Variants in TBC1D19 observed in about 807,000 individuals in gnomAD.
TBC1D19 encodes the protein TBC1 domain family member 19.
Under a neutral mutation model 89.0 loss-of-function variants are expected in TBC1D19, and 60 were observed. The ratio of observed to expected loss-of-function variants is 0.67; its 90% CI spans 0.55 to 0.84. The LOEUF is 0.84. Among genes scored for constraint, TBC1D19 ranks in the 40% least tolerant of loss-of-function variants. TBC1D19 has a pLI of 0.00. For missense variants in TBC1D19, 500 were observed against 610.8 expected (o/e 0.82, Z 1.91); for synonymous variants, 189 against 199.7 (o/e 0.95, Z 0.45).
the TBC1D19 span, among the ~76,000 whole-genome samples, chr4:26,795,054 G>A: frequency 6.6e-6 from 1 of 152,168 alleles, no homozygotes; most frequent in African/African-American, 2.4e-5. Context: ...CCATGCCTCT[G>A]TTCAGAAACT....
At chr4:26,842,345 T>TTC in the TBC1D19 span, among the ~76,000 whole-genome samples, 1 of 80,122 alleles carries the variant, frequency 1.2e-5, no homozygotes, top group African/African-American at 5.0e-5. Flanking sequence ...CTTTTCTTTT[T>TTC]TTTTTTTTTT....
chr4:26,593,075 G>C (rs4568227), intron 1 of TBC1D19, among the ~76,000 whole-genome samples: 60,987 of 151,822 alleles, frequency 0.4, 12,764 homozygotes, highest in Non-Finnish European at 0.47. Flanking sequence ...ATCACACTAC[G>C]TGACTTCAAA....
At chr4:26,599,875 G>A (rs1303651844) in intron 1 of TBC1D19, among the ~76,000 whole-genome samples, 6 of 149,618 alleles carry the variant, frequency 4.0e-5, no homozygotes, top group African/African-American at 1.5e-4. Context: ...TTGAACCCAG[G>A]AGGCAGAGGT....
At chr4:26,640,248 T>A in intron 7 of TBC1D19, 61 bp downstream of exon 7, 1 of 1,349,294 alleles carries the variant, frequency 7.4e-7, no homozygotes, top group Non-Finnish European at 1.1e-6. Flanking sequence ...TAAATGATGA[T>A]GTAAAAATAT....
At chr4:26,725,210 T>C (rs1165126263) in intron 15 of TBC1D19, among the ~76,000 whole-genome samples, 1 of 152,180 alleles carries the variant, frequency 6.6e-6, no homozygotes, top group African/African-American at 2.4e-5. Context: ...CCATATGCTC[T>C]CTTACTAAAA....
intron 13 of TBC1D19, among the ~76,000 whole-genome samples, chr4:26,704,859 A>T (rs1386993849): frequency 1.3e-5 from 2 of 152,150 alleles, no homozygotes; most frequent in East Asian, 3.8e-4. Context: ...TTCCACAGTG[A>T]CTATACCATT....
the TBC1D19 span, among the ~76,000 whole-genome samples, chr4:26,818,385 G>A: frequency 2.6e-5 from 4 of 151,934 alleles, no homozygotes; most frequent in Admixed American, 1.3e-4. Context: ...GCACCACCAT[G>A]CCTGGCTAAT....
the TBC1D19 span, among the ~76,000 whole-genome samples, chr4:26,804,940 T>C: frequency 6.6e-6 from 1 of 152,180 alleles, no homozygotes; most frequent in Non-Finnish European, 1.5e-5. Flanking sequence ...AACATGGCTT[T>C]TCTGAAGTCA....
the TBC1D19 span, among the ~76,000 whole-genome samples, chr4:26,788,146 C>G: frequency 4.6e-5 from 7 of 152,032 alleles, no homozygotes; most frequent in Non-Finnish European, 8.8e-5. Context: ...CGGCATGGTT[C>G]CAGGTGACTA....
At chr4:26,657,001 T>TTCTCCTTCTCCTTCTCCTTCTCCC (rs1744884083) in intron 7 of TBC1D19, among the ~76,000 whole-genome samples, 1 of 122,582 alleles carries the variant, frequency 8.2e-6, no homozygotes, top group Non-Finnish European at 1.7e-5. Flanking sequence ...CTCCTTCTCC[T>TTCTCCTTCTCCTTCTCCTTCTCCC]TCTCCTTCTC....
chr4:26,720,613 T>C (rs1323890777), intron 15 of TBC1D19, among the ~76,000 whole-genome samples: 1 of 152,132 alleles, frequency 6.6e-6, no homozygotes, highest in Non-Finnish European at 1.5e-5. Flanking sequence ...TCATTAGACA[T>C]TAAATATTCT....
the TBC1D19 span, among the ~76,000 whole-genome samples, chr4:26,785,398 G>A: frequency 2.2e-4 from 33 of 152,286 alleles, no homozygotes; most frequent in East Asian, 6.4e-3. Context: ...AGAGCACAGC[G>A]TTGTTTTGGC....
chr4:26,820,716 A>G, the TBC1D19 span, among the ~76,000 whole-genome samples: 1 of 152,212 alleles, frequency 6.6e-6, no homozygotes, highest in Non-Finnish European at 1.5e-5. Context: ...GCTGGATCAT[A>G]TGCTAATTCT....
the TBC1D19 span, among the ~76,000 whole-genome samples, chr4:26,800,447 A>G: frequency 3.2e-4 from 48 of 152,302 alleles, no homozygotes; most frequent in African/African-American, 1.2e-3. Context: ...GCTATTGTGA[A>G]TAGTGCCGCA....
At chr4:26,771,852 T>A in the TBC1D19 span, among the ~76,000 whole-genome samples, 1 of 152,088 alleles carries the variant, frequency 6.6e-6, no homozygotes, top group Non-Finnish European at 1.5e-5. Context: ...GTGAAAAAAT[T>A]AAACCCCAAA....
the TBC1D19 span, among the ~76,000 whole-genome samples, chr4:26,803,895 G>T: frequency 7.5e-6 from 1 of 134,214 alleles, no homozygotes; most frequent in African/African-American, 2.7e-5. Flanking sequence ...GTATATCTTG[G>T]TAAACTGCAG....
chr4:26,638,262 T>C (rs761323809), intron 5 of TBC1D19, among the ~76,000 whole-genome samples: 1 of 151,778 alleles, frequency 6.6e-6, no homozygotes, highest in East Asian at 1.9e-4. Context: ...AGGTATACTT[T>C]GGATAATATC....
the TBC1D19 span, among the ~76,000 whole-genome samples, chr4:26,766,372 C>T: frequency 6.6e-6 from 1 of 152,190 alleles, no homozygotes; most frequent in Non-Finnish European, 1.5e-5. Context: ...CCCAGCGTTT[C>T]AGCCCTAAGA....
chr4:26,810,154 A>G, the TBC1D19 span, among the ~76,000 whole-genome samples: 3 of 152,198 alleles, frequency 2.0e-5, no homozygotes, highest in Non-Finnish European at 4.4e-5. Flanking sequence ...CATGTCTTAC[A>G]GTTTTCCAGC....
Sources: gnomAD v4.1 joint callset for allele counts (sites outside exome capture counted in the v4.1 genomes callset) on GRCh38, gnomAD v4.1.1 for gene constraint, MANE v1.5 for transcripts, NCBI Gene and HGNC (gene_info 2026-07-23, HGNC 2026-07-21) for gene names.